SCAMP2: variants seen among roughly 807,000 people sequenced by gnomAD.
SCAMP2 encodes secretory carrier membrane protein 2.
A neutral mutation model predicts 44.1 loss-of-function variants in SCAMP2; 25 were observed. The observed-to-expected ratio is 0.57, with a 90% confidence interval of 0.41 to 0.79. The LOEUF (loss-of-function observed/expected upper bound fraction) is 0.79. Among genes scored for constraint, SCAMP2 ranks in the 30% least tolerant of loss-of-function variants. The pLI is 0.00. For missense variants in SCAMP2, 355 were observed against 411.0 expected (o/e 0.86, Z 1.18); for synonymous variants, 156 against 166.0 (o/e 0.94, Z 0.46).
At chr15:74,854,538 C>T in intron 2 of SCAMP2, 43 bp downstream of exon 2, 1 of 1,526,268 alleles carries the variant, frequency 6.6e-7, no homozygotes, top group South Asian at 1.2e-5. Context: ...CCAGCACCAC[C>T]CTAGAGGGCC....
intron 7 of SCAMP2, 84 bp from the exon 8 acceptor site, chr15:74,845,677 G>A: frequency 6.5e-7 from 1 of 1,530,634 alleles, no homozygotes; most frequent in Non-Finnish European, 9.0e-7. Flanking sequence ...CCAAGTGGCT[G>A]CTGTGTCCTG....
Position 74,848,717 on chromosome 15 carries a change from G to A in SCAMP2, c.633-16C>T. 1 of 1,582,328 alleles carries A rather than the reference G, an allele frequency of 6.3e-7. No individual in the cohort carries two copies. Among genetic ancestry groups the A allele is most frequent in the Non-Finnish European group, 8.7e-7 (1 of 1,152,150 alleles). Reference sequence around the variant, plus strand: ...GTTGTCGGACCTGTGGAGAGAGAGGGAAATAAGTCACAAGAGGGCTTGGGC... The same window carrying A: ...GTTGTCGGACCTGTGGAGAGAGAGGAAAATAAGTCACAAGAGGGCTTGGGC... On this transcript the variant is annotated splice_polypyrimidine_tract_variant and intron_variant, in intron 6 of 8. Transcript: ENST00000268099.
intron 1 of SCAMP2, among the ~76,000 whole-genome samples, chr15:74,857,085 CCTCTTAT>C (rs956211476): frequency 2.2e-4 from 33 of 152,174 alleles, no homozygotes; most frequent in Admixed American, 1.2e-3. Context: ...ACAGATACTT[CCTCTTAT>C]CTCTTATCTT....
chr15:74,863,029 T>A (rs762081483), intron 1 of SCAMP2, among the ~76,000 whole-genome samples: 1 of 151,528 alleles, frequency 6.6e-6, no homozygotes, highest in Non-Finnish European at 1.5e-5. Flanking sequence ...GGCATCATGA[T>A]GAAACCCCGT....
chr15:74,868,235 T>C (rs2064555007), intron 1 of SCAMP2, among the ~76,000 whole-genome samples: 1 of 152,156 alleles, frequency 6.6e-6, no homozygotes, highest in Non-Finnish European at 1.5e-5. Flanking sequence ...TATCTTAACT[T>C]CCCATTCACA....
In SCAMP2 at chr15:74,851,396, G is replaced by T; in HGVS notation, c.429C>A (p.Ala143=). ...GCATCTTGCATATCCGCTGGTAGTC[G>T]GCAGGGATCTCTGTGGAGAAATCCT... The part of the protein sequence containing the change: ...FYQDFSTEIP[A]DYQRICKMLY... The change falls in exon 5 of 9, where the codon GCC becomes GCA. Residue 143 remains alanine, a synonymous_variant. Transcript: ENST00000268099. The T allele has an allele frequency of 6.2e-7, 1 of 1,614,056 alleles. No individual in the cohort carries two copies. Among genetic ancestry groups the T allele is most frequent in the Non-Finnish European group, 8.5e-7 (1 of 1,179,948 alleles).
In SCAMP2 at chr15:74,843,846, AGTATCATTCAGT is replaced by A. The variant is rs1373861613; in HGVS notation, c.*1225_*1236del. 1 of 152,226 alleles carries A rather than the reference AGTATCATTCAGT, an allele frequency of 6.6e-6. No individual in the cohort carries two copies. Among genetic ancestry groups the A allele is most frequent in the Non-Finnish European group, 1.5e-5 (1 of 68,044 alleles). The allele number at this position is 152,226 out of a possible 1,614,324, so 9.4% of individuals were successfully genotyped here. ...AGTTCATAAAACCCCAGCCGCTGCC[AGTATCATTCAGT>A]GGCTGGGGCCTGCGGCTGTCTCGGG... On this transcript the variant is annotated 3_prime_UTR_variant, in exon 9 of 9. Transcript: ENST00000268099.
At chr15:74,862,875 C>T (rs1255699676) in intron 1 of SCAMP2, among the ~76,000 whole-genome samples, 10 of 147,734 alleles carry the variant, frequency 6.8e-5, no homozygotes, top group South Asian at 2.2e-4. Context: ...CACACACACA[C>T]ACACACACAC....
intron 7 of SCAMP2, among the ~76,000 whole-genome samples, chr15:74,846,451 AAAAAAAAAAAAGAAAAG>A (rs2064399900): frequency 9.8e-6 from 1 of 102,340 alleles, no homozygotes; most frequent in East Asian, 2.8e-4. Flanking sequence ...GTCTCCAAAA[AAAAAAAAAAAAGAAAAG>A]AAAAAAGAAA....
intron 1 of SCAMP2, among the ~76,000 whole-genome samples, chr15:74,855,784 C>A (rs2064465296): frequency 6.6e-6 from 1 of 150,670 alleles, no homozygotes; most frequent in African/African-American, 2.4e-5. Flanking sequence ...GCTGCCAGTA[C>A]TGATTTTATT....
intron 1 of SCAMP2, among the ~76,000 whole-genome samples, chr15:74,861,511 T>C (rs1426435620): frequency 6.6e-6 from 1 of 152,140 alleles, no homozygotes; most frequent in Non-Finnish European, 1.5e-5. Flanking sequence ...AAACATCCAA[T>C]GACAGAGACC....
intron 3 of SCAMP2, 36 bp downstream of exon 3, chr15:74,853,985 T>C: frequency 6.5e-7 from 1 of 1,550,176 alleles, no homozygotes; most frequent in Non-Finnish European, 8.9e-7. Flanking sequence ...ATTCCCTCAC[T>C]GGAGAGAAAA....
At chr15:74,856,265 T>TTTTC (rs2141175360) in intron 1 of SCAMP2, among the ~76,000 whole-genome samples, 1 of 23,754 alleles carries the variant, frequency 4.2e-5, no homozygotes, top group South Asian at 1.4e-3. Flanking sequence ...GAGCCAGTTC[T>TTTTC]TTTTTTTTTT....
At chr15:74,865,053 C>A (rs2064532793) in intron 1 of SCAMP2, among the ~76,000 whole-genome samples, 1 of 125,030 alleles carries the variant, frequency 8.0e-6, no homozygotes, top group Admixed American at 9.4e-5. Context: ...CACACCACTG[C>A]ACTCCACCCT....
chr15:74,855,010 G>T (rs2064459321), intron 1 of SCAMP2, among the ~76,000 whole-genome samples: 1 of 151,518 alleles, frequency 6.6e-6, no homozygotes, highest in Non-Finnish European at 1.5e-5. Flanking sequence ...GTGCTGAGGG[G>T]CAAGTGAATG....
rs754088496 is a variant in SCAMP2 at position 74,845,040 on chromosome 15, A to C, written c.*43T>G. 1.3e-6 allele frequency: 2 copies of C among 1,595,182 alleles called. No individual in the cohort carries two copies. ...GCACCCACGGAAAGTGCAGCTCAGA[A>C]GGCAGGCGAGAGAAAGGCTGAGGGG... On this transcript the variant is annotated 3_prime_UTR_variant, in exon 9 of 9. Transcript: ENST00000268099.
At chr15:74,862,261 T>TC (rs1300630541) in intron 1 of SCAMP2, among the ~76,000 whole-genome samples, 1 of 14,564 alleles carries the variant, frequency 6.9e-5, no homozygotes, top group Non-Finnish European at 2.2e-4. Flanking sequence ...AGACTCTGTC[T>TC]CCAAAAAAAA....
chr15:74,856,227 A>C (rs2064467723), intron 1 of SCAMP2, among the ~76,000 whole-genome samples: 2 of 141,994 alleles, frequency 1.4e-5, no homozygotes, highest in African/African-American at 5.3e-5. Context: ...CTTCAGGCCC[A>C]GCCTCACCTC....
At chr15:74,856,751 G>A (rs1406819380) in intron 1 of SCAMP2, among the ~76,000 whole-genome samples, 1 of 151,638 alleles carries the variant, frequency 6.6e-6, no homozygotes, top group African/African-American at 2.4e-5. Flanking sequence ...GAGCCACCAG[G>A]CCTGGCTGAT....
Sources: gnomAD v4.1 joint callset for allele counts (sites outside exome capture counted in the v4.1 genomes callset) on GRCh38, gnomAD v4.1.1 for gene constraint, MANE v1.5 for transcripts, NCBI Gene and HGNC (gene_info 2026-07-23, HGNC 2026-07-21) for gene names.